ZNF496: variants seen among roughly 807,000 people sequenced by gnomAD.
The protein encoded by ZNF496 is NSD1 (nuclear receptor binding SET-domain containing 1)-interacting zinc finger protein 1.
ZNF496 carries 11 observed loss-of-function variants against 58.9 expected under a neutral mutation model. That is an observed-to-expected ratio of 0.19 (90% CI 0.12 to 0.31). The LOEUF is 0.31. ZNF496 is among the 10% of genes least tolerant of loss of function. The pLI is 1.00. For missense variants in ZNF496, 660 were observed against 783.0 expected (o/e 0.84, Z 1.88); for synonymous variants, 338 against 318.2 (o/e 1.06, Z -0.66).
At position 247,329,952 on chromosome 1, in the gene ZNF496, A is replaced by C. The variant is rs2103035390; in HGVS notation, c.-38+14T>G. ...ACAGCGCCACATGCAGATGTAATCA[A>C]GACGCTCTGGTACCTTGGGTGGCTG... On this transcript the variant is annotated intron_variant, in intron 3 of 9. Coordinates refer to ENST00000682384, the MANE Select transcript of ZNF496 (RefSeq NM_032752.3). This position sits in a 1 kb window ranked among gnomAD's most constrained non-coding sequence, Gnocchi z 5.5. The C allele has an allele frequency of 5.0e-6, 1 of 199,510 alleles. No homozygotes were observed. Among genetic ancestry groups the C allele is most frequent in the Admixed American group, 5.7e-5 (1 of 17,678 alleles). 12.4% of individuals were successfully genotyped at this position (199,510 alleles called of 1,614,324 possible).
intron 9 of ZNF496, among the ~76,000 whole-genome samples, chr1:247,306,095 A>G (rs1382067052): frequency 3.3e-5 from 5 of 152,224 alleles, no homozygotes; most frequent in Non-Finnish European, 7.3e-5. Flanking sequence ...AGAAGAACCT[A>G]TGAAAGATGG....
intron 6 of ZNF496, chr1:247,311,284 C>T (rs1266613127): frequency 6.6e-6 from 1 of 152,202 alleles, no homozygotes; most frequent in Non-Finnish European, 1.5e-5. Flanking sequence ...CCTATAATCC[C>T]AGCTACTTGG....
chr1:247,303,443 G>T (rs1409257725), intron 9 of ZNF496, among the ~76,000 whole-genome samples: 1 of 152,178 alleles, frequency 6.6e-6, no homozygotes, highest in Admixed American at 6.6e-5. Context: ...AAAAACTGTC[G>T]AAGTGATTTT....
rs1191023737 is a variant in ZNF496 at position 247,308,214 on chromosome 1, G to A, written c.1006+261C>T. ...AGAACACCACAGCAGAGGTCGGCGGGGATCCTGAGGGGTTCAGTTCCTAAC... is the reference window on the plus strand; with the variant it reads ...AGAACACCACAGCAGAGGTCGGCGGAGATCCTGAGGGGTTCAGTTCCTAAC... On this transcript the variant is annotated intron_variant, in intron 9 of 9. Coordinates refer to ENST00000682384, the MANE Select transcript of ZNF496 (RefSeq NM_032752.3). The surrounding 1 kb of genome is among the most constrained non-coding windows in gnomAD (Gnocchi z 4.5). Among the ~76,000 whole-genome samples, 1 of 152,056 alleles carries A rather than the reference G, an allele frequency of 6.6e-6. No homozygotes were observed. The highest frequency in any genetic ancestry group is 1.5e-5 in the Non-Finnish European group (1 of 68,022).
chr1:247,319,144 G>A (rs1659876854), intron 6 of ZNF496, among the ~76,000 whole-genome samples: 1 of 152,060 alleles, frequency 6.6e-6, no homozygotes, highest in Non-Finnish European at 1.5e-5. Flanking sequence ...ACCATTCCCA[G>A]CTAATTTTTT....
At chr1:247,304,563 G>A (rs1049176118) in intron 9 of ZNF496, among the ~76,000 whole-genome samples, 5 of 151,946 alleles carry the variant, frequency 3.3e-5, no homozygotes, top group Admixed American at 3.3e-4. Context: ...GTAGAGAGAG[G>A]GTTTCCCCAT....
rs373909909 is a variant in ZNF496, at chr1:247,328,866, G to T, written c.391C>A (p.Leu131Ile). The T allele has an allele frequency of 6.3e-7, 1 of 1,585,158 alleles. No homozygotes were observed. The highest frequency in any genetic ancestry group is 1.2e-5 in the South Asian group (1 of 86,814). ...ACCACAGGGTCTTCACAGTGCTTGA[G>T]CTGCAATCCCAGAGACAGCTTTTCA... ...EREPGRPWQW[L>I]KHCEDPVVID... Residue 131 changes from leucine (L) to isoleucine (I), a missense_variant and splice_region_variant, in exon 5 of 10, where the codon CTC becomes ATC. Physicochemically the swap from Leu to Ile is conservative, Grantham distance 5. Coordinates refer to ENST00000682384, the MANE Select transcript of ZNF496 (RefSeq NM_032752.3).
chr1:247,316,137 T>G (rs1466864114), intron 6 of ZNF496, among the ~76,000 whole-genome samples: 26 of 53,186 alleles, frequency 4.9e-4, no homozygotes, highest in East Asian at 4.1e-3. Context: ...GGGAGAGGGG[T>G]GTGTGTGTGT....
At chr1:247,306,353 C>T (rs956994877) in intron 9 of ZNF496, among the ~76,000 whole-genome samples, 78 of 152,120 alleles carry the variant, frequency 5.1e-4, no homozygotes, top group Middle Eastern at 3.4e-3. Flanking sequence ...CCCACCACCA[C>T]GCCTGGTTAA....
In ZNF496 at chr1:247,328,668, C is replaced by T. The variant is rs769280456; in HGVS notation, c.574+15G>A. Reference sequence around the variant, plus strand: ...TCCCCAGATCACCCCTGCTACACTCCCCTGGGCTGCATACCTGGGTCCCCG... The same window carrying T: ...TCCCCAGATCACCCCTGCTACACTCTCCTGGGCTGCATACCTGGGTCCCCG... On this transcript the variant is annotated intron_variant, in intron 5 of 9. Transcript: ENST00000682384. The T allele has an allele frequency of 7.0e-6, 11 of 1,566,186 alleles. No homozygotes were observed. The Admixed American group carries it at 1.8e-4, about 26-fold the overall frequency.
At chr1:247,316,275 GTA>G (rs1467570691) in intron 6 of ZNF496, among the ~76,000 whole-genome samples, 1 of 148,540 alleles carries the variant, frequency 6.7e-6, no homozygotes, top group African/African-American at 2.5e-5. Flanking sequence ...AAAACTGAGA[GTA>G]TATATTAACA....
At chr1:247,306,746 C>T (rs912725238) in intron 9 of ZNF496, among the ~76,000 whole-genome samples, 12 of 152,118 alleles carry the variant, frequency 7.9e-5, no homozygotes, top group Non-Finnish European at 1.0e-4. Flanking sequence ...GGCGATCTGC[C>T]CGCCTCGGCC....
At chr1:247,328,077 C>G (rs939027274) in intron 5 of ZNF496, among the ~76,000 whole-genome samples, 1 of 152,178 alleles carries the variant, frequency 6.6e-6, no homozygotes, top group Non-Finnish European at 1.5e-5. Context: ...TAGAAACATG[C>G]CTCAGGTCAT....
chr1:247,328,538 C>T (rs1054306629), intron 5 of ZNF496, 145 bp downstream of exon 5: 2 of 811,888 alleles, frequency 2.5e-6, no homozygotes, highest in African/African-American at 1.8e-5. Flanking sequence ...GGGACTCAGA[C>T]CCTGACAACA....
intron 6 of ZNF496, among the ~76,000 whole-genome samples, chr1:247,322,144 G>A (rs544495018): frequency 4.6e-5 from 7 of 152,288 alleles, no homozygotes; most frequent in African/African-American, 1.7e-4. Flanking sequence ...TTAGCTGGGT[G>A]TAGTGGCATG....
At chr1:247,325,899 G>A (rs548391658) in intron 5 of ZNF496, among the ~76,000 whole-genome samples, 1 of 152,090 alleles carries the variant, frequency 6.6e-6, no homozygotes, top group African/African-American at 2.4e-5. Flanking sequence ...CCCTAACTGG[G>A]TAACCTGGCT....
chr1:247,304,706 C>G (rs928321334), intron 9 of ZNF496, among the ~76,000 whole-genome samples: 2 of 152,134 alleles, frequency 1.3e-5, no homozygotes, highest in African/African-American at 4.8e-5. Context: ...TGCTTGGGAC[C>G]CATTACCCTT....
intron 5 of ZNF496, among the ~76,000 whole-genome samples, chr1:247,327,502 G>A (rs1023281294): frequency 2.0e-5 from 3 of 152,228 alleles, no homozygotes; most frequent in African/African-American, 7.2e-5. Flanking sequence ...CCTGAACTGT[G>A]AGAGAATACA....
chr1:247,300,976 T>C lies in ZNF496; in HGVS notation c.1307A>G (p.Glu436Gly), dbSNP rs967075813. The C allele has an allele frequency of 1.2e-5, 19 of 1,613,736 alleles. No individual in the cohort carries two copies. Among genetic ancestry groups the C allele is most frequent in the Non-Finnish European group, 1.5e-5 (18 of 1,180,030 alleles). ...RSRREQEKPHECSVCGELFSD... is the reference protein window; with the variant it reads ...RSRREQEKPHGCSVCGELFSD... ...GAACAGCTCCCCGCACACCGAGCACTCGTGCGGCTTCTCCTGCTCCCTGCG... is the reference window on the plus strand; with the variant it reads ...GAACAGCTCCCCGCACACCGAGCACCCGTGCGGCTTCTCCTGCTCCCTGCG... The change falls in exon 10 of 10, where the codon GAG becomes GGG. Residue 436 changes from glutamate to glycine, a missense_variant. By Grantham distance (98) the Glu-to-Gly change is moderately conservative (BLOSUM62 -2). Coordinates refer to ENST00000682384, the MANE Select transcript of ZNF496 (RefSeq NM_032752.3). The surrounding 1 kb of genome is among the most constrained non-coding windows in gnomAD (Gnocchi z 5.7).
Sources: allele counts gnomAD v4.1 joint callset (sites outside exome capture counted in the v4.1 genomes callset), GRCh38; gene constraint gnomAD v4.1.1; non-coding constraint Gnocchi (gnomAD v3.1); transcripts MANE v1.5; gene names NCBI Gene and HGNC (gene_info 2026-07-23, HGNC 2026-07-21).